The following SUPT3H variants were observed in gnomAD, a reference collection of about 807,000 sequenced individuals.
SUPT3H encodes the protein transcription initiation protein SPT3 homolog.
A neutral mutation model predicts 44.3 loss-of-function variants in SUPT3H; 44 were observed. The ratio of observed to expected loss-of-function variants is 0.99; its 90% CI spans 0.78 to 1.28. The LOEUF (loss-of-function observed/expected upper bound fraction) is 1.28. Among genes scored for constraint, SUPT3H ranks in the 50% most tolerant of loss-of-function variants. The probability of loss-of-function intolerance (pLI) is 0.00; values close to 1 mark genes in which losing one functional copy is unlikely to be tolerated. For synonymous variants in SUPT3H, 124 were observed against 125.6 expected, an observed-to-expected ratio of 0.99 and a Z score of 0.09; for missense variants, 380 against 387.1, an observed-to-expected ratio of 0.98 and a Z score of 0.15.
At chr6:45,176,501 G>C (rs554693047) in intron 2 of SUPT3H, among the ~76,000 whole-genome samples, 1 of 152,206 alleles carries the variant, frequency 6.6e-6, no homozygotes, top group East Asian at 1.9e-4. Flanking sequence ...CTGGGGGAGG[G>C]GCGCCTGCCA....
At chr6:44,940,985 G>A (rs1280237816) in intron 9 of SUPT3H, among the ~76,000 whole-genome samples, 1 of 152,000 alleles carries the variant, frequency 6.6e-6, no homozygotes, top group Non-Finnish European at 1.5e-5. Flanking sequence ...GCAACATATA[G>A]TTAAATCATG....
intron 2 of SUPT3H, among the ~76,000 whole-genome samples, chr6:45,359,978 C>T (rs1014106369): frequency 1.3e-5 from 2 of 152,104 alleles, no homozygotes; most frequent in African/African-American, 4.8e-5. Context: ...TACTAATAAC[C>T]GAGCAATCAA....
At chr6:44,817,457 T>C (rs183452908) in intron 11 of SUPT3H, among the ~76,000 whole-genome samples, 2 of 152,230 alleles carry the variant, frequency 1.3e-5, no homozygotes, top group Admixed American at 1.3e-4. Context: ...TATTCAATAG[T>C]GTACTGGAGA....
intron 3 of SUPT3H, among the ~76,000 whole-genome samples, chr6:45,064,339 C>T (rs1792823568): frequency 6.8e-6 from 1 of 147,068 alleles, no homozygotes; most frequent in Admixed American, 6.8e-5. Flanking sequence ...CAACTGGTAC[C>T]AGCCGCTGCA....
chr6:45,160,791 C>G (rs1421992877), intron 2 of SUPT3H, among the ~76,000 whole-genome samples: 1 of 152,092 alleles, frequency 6.6e-6, no homozygotes, highest in Non-Finnish European at 1.5e-5. Context: ...CCCAAAGTTT[C>G]CATTCTAGGT....
intron 10 of SUPT3H, among the ~76,000 whole-genome samples, chr6:44,886,671 T>C (rs1213850204): frequency 1.3e-5 from 2 of 151,988 alleles, no homozygotes; most frequent in Non-Finnish European, 2.9e-5. Flanking sequence ...TCATGCCAAA[T>C]TGTAAAGACC....
At chr6:45,283,087 A>G (rs1018893004) in intron 2 of SUPT3H, among the ~76,000 whole-genome samples, 5 of 152,226 alleles carry the variant, frequency 3.3e-5, no homozygotes, top group South Asian at 2.1e-4. Context: ...TGAAGGAAGC[A>G]CTAAACATGG....
chr6:45,050,534 T>C (rs1364824860), intron 3 of SUPT3H, among the ~76,000 whole-genome samples: 1 of 152,072 alleles, frequency 6.6e-6, no homozygotes, highest in Non-Finnish European at 1.5e-5. Context: ...ACAATAATCA[T>C]TTGAACCTAT....
At chr6:45,313,736 C>G (rs2150001227) in intron 2 of SUPT3H, among the ~76,000 whole-genome samples, 1 of 151,542 alleles carries the variant, frequency 6.6e-6, no homozygotes, top group African/African-American at 2.4e-5. Flanking sequence ...GGTACCAATC[C>G]TTTCAACACT....
chr6:45,226,319 TTGTA>T (rs1390688107), intron 2 of SUPT3H, among the ~76,000 whole-genome samples: 1 of 152,082 alleles, frequency 6.6e-6, no homozygotes, highest in Admixed American at 6.5e-5. Flanking sequence ...CAATATATAT[TTGTA>T]TGTGTGTATG....
At chr6:45,067,557 C>T (rs1793580447) in intron 3 of SUPT3H, among the ~76,000 whole-genome samples, 1 of 151,464 alleles carries the variant, frequency 6.6e-6, no homozygotes. Context: ...TTTTCACAAC[C>T]TACTCATCTG....
chr6:44,818,521 A>G (rs1474293267), intron 11 of SUPT3H, among the ~76,000 whole-genome samples: 1 of 152,206 alleles, frequency 6.6e-6, no homozygotes, highest in East Asian at 1.9e-4. Context: ...ACTTTAGGAA[A>G]GAACAAGCTC....
chr6:45,223,083 G>A (rs1430017655), intron 2 of SUPT3H, among the ~76,000 whole-genome samples: 4 of 152,028 alleles, frequency 2.6e-5, no homozygotes, highest in Non-Finnish European at 5.9e-5. Context: ...TATAAAAGGG[G>A]AAGCAACACA....
chr6:44,881,781 G>GACT (rs1285043469), intron 10 of SUPT3H, among the ~76,000 whole-genome samples: 1 of 152,166 alleles, frequency 6.6e-6, no homozygotes, highest in Non-Finnish European at 1.5e-5. Context: ...GCTCCTGAAT[G>GACT]ACTACTGGGT....
chr6:45,234,801 G>C (rs1362954974), intron 2 of SUPT3H, among the ~76,000 whole-genome samples: 1 of 152,060 alleles, frequency 6.6e-6, no homozygotes, highest in Non-Finnish European at 1.5e-5. Flanking sequence ...TCATTTAAGT[G>C]GCAACTTTTC....
intron 10 of SUPT3H, among the ~76,000 whole-genome samples, chr6:44,879,961 G>A (rs1013157264): frequency 6.6e-6 from 1 of 152,088 alleles, no homozygotes; most frequent in Admixed American, 6.6e-5. Flanking sequence ...ATAAATCCAC[G>A]AAGATGAGAA....
At chr6:45,321,434 C>T (rs1195870869) in intron 2 of SUPT3H, among the ~76,000 whole-genome samples, 2 of 152,106 alleles carry the variant, frequency 1.3e-5, no homozygotes, top group African/African-American at 2.4e-5. Context: ...ATTTATTTTA[C>T]AAATGTATTT....
chr6:44,812,543 T>C (rs1393481649), intron 11 of SUPT3H, among the ~76,000 whole-genome samples: 1 of 152,226 alleles, frequency 6.6e-6, no homozygotes, highest in Non-Finnish European at 1.5e-5. Flanking sequence ...CTTCATGCCA[T>C]CTGCAACCTT....
chr6:45,063,759 A>G (rs1792669932), intron 3 of SUPT3H, among the ~76,000 whole-genome samples: 1 of 140,016 alleles, frequency 7.1e-6, no homozygotes, highest in Non-Finnish European at 1.5e-5. Flanking sequence ...AGGTTAGAGA[A>G]AAAAGAGTAA....
Sources: allele counts gnomAD v4.1 joint callset (sites outside exome capture counted in the v4.1 genomes callset), GRCh38; gene constraint gnomAD v4.1.1; transcripts MANE v1.5; gene names NCBI Gene and HGNC (gene_info 2026-07-23, HGNC 2026-07-21).